The following KCNT2 variants were observed in gnomAD, a reference collection of about 807,000 sequenced individuals.
KCNT2 encodes potassium channel subfamily T member 2.
A neutral mutation model predicts 153.8 loss-of-function variants in KCNT2; 67 were observed. The observed-to-expected ratio is 0.44, with a 90% CI of 0.36 to 0.53. The LOEUF (loss-of-function observed/expected upper bound fraction) is 0.53. Among genes scored for constraint, KCNT2 ranks in the 20% least tolerant of loss-of-function variants. The pLI is 0.00. For synonymous variants in KCNT2, 500 were observed against 458.8 expected (o/e 1.09, Z -1.15); for missense variants, 975 against 1,354.8 (o/e 0.72, Z 4.40).
intron 1 of KCNT2, among the ~76,000 whole-genome samples, chr1:196,527,475 G>C (rs907337662): frequency 2.0e-5 from 3 of 151,972 alleles, no homozygotes; most frequent in African/African-American, 7.3e-5. Flanking sequence ...AGCAAAACAG[G>C]GTAACGTAAA....
At chr1:196,440,776 C>T (rs1166519567) in intron 8 of KCNT2, among the ~76,000 whole-genome samples, 1 of 151,420 alleles carries the variant, frequency 6.6e-6, no homozygotes, top group Non-Finnish European at 1.5e-5. Context: ...CCATCTCTAC[C>T]CTTCATCTCA....
chr1:196,457,958 A>C (rs1477655890), intron 8 of KCNT2, among the ~76,000 whole-genome samples: 4 of 151,904 alleles, frequency 2.6e-5, no homozygotes, highest in African/African-American at 9.7e-5. Context: ...AGGCTCTGGG[A>C]AGAGGAACGT....
At chr1:196,382,258 C>T (rs1669572414) in intron 13 of KCNT2, among the ~76,000 whole-genome samples, 1 of 143,508 alleles carries the variant, frequency 7.0e-6, no homozygotes, top group South Asian at 2.3e-4. Flanking sequence ...GCCACCACAC[C>T]CGGCTATTTT....
chr1:196,556,668 T>A (rs1658711340), intron 1 of KCNT2, among the ~76,000 whole-genome samples: 1 of 151,444 alleles, frequency 6.6e-6, no homozygotes, highest in African/African-American at 2.4e-5. Flanking sequence ...ATATTGGAGA[T>A]ATCTGCACTC....
At chr1:196,254,697 T>C (rs1416572212) in intron 26 of KCNT2, among the ~76,000 whole-genome samples, 1 of 151,592 alleles carries the variant, frequency 6.6e-6, no homozygotes, top group Non-Finnish European at 1.5e-5. Flanking sequence ...AAATCTATCA[T>C]AGTTTGAGTA....
intron 1 of KCNT2, among the ~76,000 whole-genome samples, chr1:196,554,827 G>A (rs529659404): frequency 5.2e-4 from 79 of 151,032 alleles, no homozygotes; most frequent in Admixed American, 2.7e-3. Flanking sequence ...GAAAAGTTGG[G>A]TCAACATATG....
chr1:196,303,533 G>A (rs1432546136), intron 22 of KCNT2, among the ~76,000 whole-genome samples: 4 of 151,982 alleles, frequency 2.6e-5, no homozygotes, highest in African/African-American at 9.7e-5. Flanking sequence ...AGAATGCACA[G>A]AATGAAATAT....
intron 11 of KCNT2, among the ~76,000 whole-genome samples, chr1:196,425,082 A>G (rs1457769339): frequency 6.6e-6 from 1 of 152,072 alleles, no homozygotes; most frequent in Non-Finnish European, 1.5e-5. Flanking sequence ...CTTTAAAAAC[A>G]GCAGAAAATA....
chr1:196,274,299 ATGTAATATAACT>A (rs1173747559), intron 25 of KCNT2, among the ~76,000 whole-genome samples: 1 of 151,804 alleles, frequency 6.6e-6, no homozygotes, highest in African/African-American at 2.4e-5. Context: ...ATATTATTTG[ATGTAATATAACT>A]TGTAATATAA....
intron 14 of KCNT2, among the ~76,000 whole-genome samples, chr1:196,371,391 ATTTC>A (rs879733964): frequency 6.6e-6 from 1 of 152,052 alleles, no homozygotes; most frequent in Non-Finnish European, 1.5e-5. Flanking sequence ...AGGGTAGATA[ATTTC>A]TTTATGTGGT....
chr1:196,334,057 G>T lies in KCNT2; in HGVS notation c.1787C>A (p.Thr596Asn). The T allele has an allele frequency of 6.2e-7, 1 of 1,609,812 alleles. No homozygotes were observed. The highest frequency in any genetic ancestry group is 8.5e-7 in the Non-Finnish European group (1 of 1,176,762). The change falls in exon 17 of 28, where the codon ACT becomes AAT. Residue 596 changes from threonine (T) to asparagine (N), a missense_variant. By Grantham distance (65) the Thr-to-Asn change is moderately conservative. Around this residue, in one of 6 missense-constraint regions of KCNT2, gnomAD observed 325 missense variants for 388.1 expected, o/e 0.84. Coordinates refer to ENST00000294725, the MANE Select transcript of KCNT2 (RefSeq NM_198503.5). Reference sequence around the variant, plus strand: ...TGTATCTTGCAAGTCTATAGCCACAGTACCTAAAACAATAAAACATGAAAA... The same window carrying T: ...TGTATCTTGCAAGTCTATAGCCACATTACCTAAAACAATAAAACATGAAAA... ...PVHSIIASMG[T>N]VAIDLQDTSC...
rs188494769 is a variant in KCNT2, at chr1:196,245,532, C to T, written c.3212-9462G>A. 3.3e-3 allele frequency among the ~76,000 whole-genome samples: 508 copies of T among 152,158 alleles called. 5 individuals are homozygous for T. Among genetic ancestry groups the T allele is most frequent in the African/African-American group, 0.011 (476 of 41,514 alleles). On this transcript the variant is annotated intron_variant, in intron 26 of 27. Coordinates refer to ENST00000294725, the MANE Select transcript of KCNT2 (RefSeq NM_198503.5). Reference sequence around the variant, plus strand: ...CTCACCAAACAAAATAAGGAATCAGCGACCAATTATGGAAAGACAGATATT... The same window carrying T: ...CTCACCAAACAAAATAAGGAATCAGTGACCAATTATGGAAAGACAGATATT...
intron 22 of KCNT2, among the ~76,000 whole-genome samples, chr1:196,290,217 A>C (rs2147913082): frequency 6.6e-6 from 1 of 152,114 alleles, no homozygotes; most frequent in African/African-American, 2.4e-5. Flanking sequence ...TCCTAAATCT[A>C]GTGGTTTTTG....
intron 1 of KCNT2, among the ~76,000 whole-genome samples, chr1:196,502,953 C>G (rs918581629): frequency 1.3e-5 from 2 of 151,830 alleles, no homozygotes; most frequent in African/African-American, 2.4e-5. Flanking sequence ...CTTCATGCCC[C>G]CTGCCCAACT....
intron 1 of KCNT2, among the ~76,000 whole-genome samples, chr1:196,602,237 AG>A (rs1170494671): frequency 6.6e-6 from 1 of 152,232 alleles, no homozygotes; most frequent in Non-Finnish European, 1.5e-5. Context: ...TCAAATTGTA[AG>A]TATATAAAGC....
At chr1:196,479,533 C>T (rs1298880801) in intron 4 of KCNT2, among the ~76,000 whole-genome samples, 2 of 152,138 alleles carry the variant, frequency 1.3e-5, no homozygotes, top group African/African-American at 4.8e-5. Flanking sequence ...CTGCAGTTTA[C>T]ATGATATATA....
intron 26 of KCNT2, among the ~76,000 whole-genome samples, chr1:196,240,440 T>A (rs1208100593): frequency 6.6e-6 from 1 of 152,028 alleles, no homozygotes; most frequent in Non-Finnish European, 1.5e-5. Flanking sequence ...TTATAGTTCT[T>A]GTACTTAGTA....
intron 26 of KCNT2, among the ~76,000 whole-genome samples, chr1:196,246,847 G>A (rs1190060399): frequency 1.6e-4 from 25 of 151,966 alleles, no homozygotes; most frequent in Admixed American, 1.6e-3. Flanking sequence ...ACAGGAAGAT[G>A]AGAAGGAAGG....
chr1:196,588,184 T>A (rs1471432478), intron 1 of KCNT2, among the ~76,000 whole-genome samples: 1 of 151,932 alleles, frequency 6.6e-6, no homozygotes, highest in Admixed American at 6.6e-5. Context: ...ATGGTATTAG[T>A]AGCATTGGCA....
Sources: allele counts gnomAD v4.1 joint callset (sites outside exome capture counted in the v4.1 genomes callset), GRCh38; gene constraint gnomAD v4.1.1; regional missense constraint gnomAD v4.1.1; transcripts MANE v1.5; gene names NCBI Gene and HGNC (gene_info 2026-07-23, HGNC 2026-07-21).